Variants in SHISA6 observed in about 807,000 individuals in gnomAD.
SHISA6 encodes shisa family member 6.
A neutral mutation model predicts 47.9 loss-of-function variants in SHISA6; 22 were observed. That is an observed-to-expected ratio of 0.46 (90% CI 0.33 to 0.66). The LOEUF is 0.66. Among genes scored for constraint, SHISA6 ranks in the 30% least tolerant of loss-of-function variants. The pLI is 0.02. For missense variants in SHISA6, 680 were observed against 764.6 expected, an observed-to-expected ratio of 0.89 and a Z score of 1.30; for synonymous variants, 388 against 337.8, an observed-to-expected ratio of 1.15 and a Z score of -1.63.
intron 2 of SHISA6, among the ~76,000 whole-genome samples, chr17:11,306,026 C>T (rs181722353): frequency 3.9e-4 from 59 of 152,312 alleles, no homozygotes; most frequent in African/African-American, 1.3e-3. Context: ...TGCCCCAAAG[C>T]AAACAACCCC....
chr17:11,423,413 C>T (rs961137717), intron 3 of SHISA6, among the ~76,000 whole-genome samples: 4 of 151,562 alleles, frequency 2.6e-5, no homozygotes, highest in Admixed American at 6.6e-5. Context: ...TAAGAGCTCT[C>T]GCTAACTGCA....
chr17:11,446,632 G>A (rs1005554223), intron 3 of SHISA6, among the ~76,000 whole-genome samples: 89 of 152,366 alleles, frequency 5.8e-4, no homozygotes, highest in African/African-American at 2.0e-3. Flanking sequence ...GCAGAGGTGT[G>A]TGGGTAGACA....
intron 2 of SHISA6, among the ~76,000 whole-genome samples, chr17:11,355,823 A>G (rs577574785): frequency 1.3e-5 from 2 of 152,222 alleles, no homozygotes; most frequent in South Asian, 2.1e-4. Flanking sequence ...AATGCCGAGA[A>G]TCATCAACAG....
At chr17:11,358,633 A>G (rs749384146) in intron 2 of SHISA6, among the ~76,000 whole-genome samples, 3 of 150,468 alleles carry the variant, frequency 2.0e-5, no homozygotes, top group Non-Finnish European at 4.4e-5. Flanking sequence ...TGCTGGGATT[A>G]CAGACGTGAG....
intron 2 of SHISA6, among the ~76,000 whole-genome samples, chr17:11,343,706 G>A (rs1306139348): frequency 6.6e-6 from 1 of 152,258 alleles, no homozygotes; most frequent in Non-Finnish European, 1.5e-5. Flanking sequence ...AGGGCAGAAA[G>A]CACCAGGTGC....
At chr17:11,357,187 CAAAAAAA>C (rs60564976) in intron 2 of SHISA6, among the ~76,000 whole-genome samples, 3 of 90,128 alleles carry the variant, frequency 3.3e-5, no homozygotes, top group South Asian at 4.8e-4. Flanking sequence ...GACTCCGTCT[CAAAAAAA>C]AAAAAAAAAA....
At chr17:11,483,672 C>T (rs1211962466) in intron 3 of SHISA6, among the ~76,000 whole-genome samples, 2 of 152,150 alleles carry the variant, frequency 1.3e-5, no homozygotes. Context: ...TATTTACACA[C>T]ATAGTAGTGT....
intron 2 of SHISA6, among the ~76,000 whole-genome samples, chr17:11,312,225 C>A (rs1365379181): frequency 6.6e-6 from 1 of 152,088 alleles, no homozygotes; most frequent in Non-Finnish European, 1.5e-5. Context: ...CTTTTCTCTT[C>A]ATTTCCCTGA....
chr17:11,377,024 A>G (rs1435529171), intron 2 of SHISA6, among the ~76,000 whole-genome samples: 4 of 152,228 alleles, frequency 2.6e-5, no homozygotes, highest in Non-Finnish European at 5.9e-5. Context: ...AAGTGTCCCA[A>G]TGGATGGCTT....
chr17:11,435,730 A>G (rs1439223851), intron 3 of SHISA6, among the ~76,000 whole-genome samples: 1 of 152,126 alleles, frequency 6.6e-6, no homozygotes, highest in African/African-American at 2.4e-5. Flanking sequence ...TGGGCCTGTC[A>G]TAGCCTTTTG....
intron 3 of SHISA6, among the ~76,000 whole-genome samples, chr17:11,520,352 A>G (rs913791876): frequency 6.6e-5 from 10 of 152,134 alleles, no homozygotes; most frequent in Admixed American, 1.3e-4. Flanking sequence ...CCCATATATA[A>G]TGCATTAGTA....
chr17:11,464,859 T>C (rs1915771721), intron 3 of SHISA6, among the ~76,000 whole-genome samples: 1 of 151,630 alleles, frequency 6.6e-6, no homozygotes. Context: ...GAAGAATTGC[T>C]TGAACCCAGG....
chr17:11,452,309 T>C (rs567383153), intron 3 of SHISA6, among the ~76,000 whole-genome samples: 24 of 152,342 alleles, frequency 1.6e-4, no homozygotes, highest in African/African-American at 5.8e-4. Flanking sequence ...GTTGTGTTTC[T>C]GGCATTTTCA....
chr17:11,484,311 C>T (rs1916290849), intron 3 of SHISA6, among the ~76,000 whole-genome samples: 1 of 152,180 alleles, frequency 6.6e-6, no homozygotes, highest in South Asian at 2.1e-4. Context: ...CATGCATCCA[C>T]ATCAATGAGA....
intron 3 of SHISA6, among the ~76,000 whole-genome samples, chr17:11,405,792 CAA>C (rs1206328396): frequency 7.6e-6 from 1 of 131,038 alleles, no homozygotes. Context: ...AGCTCTGTCT[CAA>C]AAAAAAAAAG....
At chr17:11,374,810 C>T (rs779193319) in intron 2 of SHISA6, among the ~76,000 whole-genome samples, 1 of 151,552 alleles carries the variant, frequency 6.6e-6, no homozygotes, top group African/African-American at 2.4e-5. Flanking sequence ...GTTCTAAATG[C>T]TTTGTGTATT....
At position 11,507,130 on chromosome 17, in the gene SHISA6, C is replaced by G. The variant is rs371187665; in HGVS notation, c.896-44766C>G. Among the ~76,000 whole-genome samples the G allele has an allele frequency of 1.1e-4, 17 of 152,300 alleles. 2 individuals are homozygous for G. In the East Asian group the frequency reaches 2.9e-3, roughly 26 times the overall value. On this transcript the variant is annotated intron_variant, in intron 3 of 5. Coordinates refer to ENST00000441885, the MANE Select transcript of SHISA6 (RefSeq NM_207386.4). ...TACAAAATGAGGAAGACAATGACAT[C>G]CACCACATTAGTATCTCATAAAGAG...
At position 11,563,978 on chromosome 17, in the gene SHISA6, T is replaced by C. The variant is rs2072069556; in HGVS notation, c.*5674T>C. ...CTACATGTACTGTAAACAGATACAC[T>C]TTAGTAAGATTTAGTCTTAAGGATT... On this transcript the variant is annotated 3_prime_UTR_variant, in exon 6 of 6. Transcript: ENST00000441885. 6.6e-6 allele frequency: 1 copy of C among 152,204 alleles called. No individual in the cohort carries two copies. The highest frequency in any genetic ancestry group is 1.5e-5 in the Non-Finnish European group (1 of 68,034). 9.4% of individuals were successfully genotyped at this position (152,204 alleles called of 1,614,324 possible).
chr17:11,298,304 A>G (rs1909816493), intron 2 of SHISA6, among the ~76,000 whole-genome samples: 1 of 152,174 alleles, frequency 6.6e-6, no homozygotes, highest in Non-Finnish European at 1.5e-5. Flanking sequence ...AGTGGGACAC[A>G]CAATAAGAGA....
Sources: allele counts gnomAD v4.1 joint callset (sites outside exome capture counted in the v4.1 genomes callset), GRCh38; gene constraint gnomAD v4.1.1; transcripts MANE v1.5; gene names NCBI Gene and HGNC (gene_info 2026-07-23, HGNC 2026-07-21).